Variants in FRMD5 observed in about 807,000 individuals in gnomAD.
FRMD5 encodes FERM domain containing 5, also known as FERM domain-containing protein 5.
Under a neutral mutation model 69.0 loss-of-function variants are expected in FRMD5, and 20 were observed. That is an observed-to-expected ratio of 0.29 (90% CI 0.20 to 0.42). The LOEUF (loss-of-function observed/expected upper bound fraction) is 0.42, where lower values mean the gene tolerates loss of function less well. Ranked by LOEUF, FRMD5 falls within the 10% of genes least tolerant of loss-of-function variation. The pLI is 1.00. For synonymous variants in FRMD5, 271 were observed against 260.1 expected, an observed-to-expected ratio of 1.04 and a Z score of -0.40; for missense variants, 595 against 708.6, an observed-to-expected ratio of 0.84 and a Z score of 1.82.
chr15:44,125,587 T>C (rs2077014693), intron 1 of FRMD5, among the ~76,000 whole-genome samples: 1 of 152,222 alleles, frequency 6.6e-6, no homozygotes, highest in South Asian at 2.1e-4. Context: ...TCTGAGATCA[T>C]GAAATTCTTA....
At chr15:43,963,819 C>T (rs1212494446) in intron 1 of FRMD5, among the ~76,000 whole-genome samples, 5 of 152,088 alleles carry the variant, frequency 3.3e-5, no homozygotes, top group Admixed American at 6.6e-5. Context: ...AAAAACCAAA[C>T]ACCAGACGTT....
chr15:43,955,692 C>T (rs1383093057), intron 1 of FRMD5, among the ~76,000 whole-genome samples: 1 of 152,082 alleles, frequency 6.6e-6, no homozygotes, highest in African/African-American at 2.4e-5. Flanking sequence ...AAGCAATCAA[C>T]CTCTGAGTGA....
Position 43,885,782 on chromosome 15 carries a change from T to C in FRMD5, c.885-27A>G, listed in dbSNP as rs376917952. 1.3e-5 allele frequency: 21 copies of C among 1,595,550 alleles called. No homozygotes were observed. In the East Asian group the frequency reaches 2.0e-4, roughly 15 times the overall value. ...TGTAGCAAGGCAAAGTCCAGTGTGA[T>C]AGACAGCCTGAACTGCCTCACACAG... On this transcript the variant is annotated intron_variant, in intron 10 of 13. Coordinates refer to ENST00000417257, the MANE Select transcript of FRMD5 (RefSeq NM_032892.5).
intron 6 of FRMD5, among the ~76,000 whole-genome samples, chr15:43,902,582 C>T (rs2089072924): frequency 6.6e-6 from 1 of 150,804 alleles, no homozygotes; most frequent in African/African-American, 2.4e-5. Flanking sequence ...ACTTGGGAGG[C>T]TGAGGTGGGA....
intron 1 of FRMD5, among the ~76,000 whole-genome samples, chr15:44,077,497 GACA>G (rs1893818705): frequency 6.6e-6 from 1 of 152,014 alleles, no homozygotes; most frequent in African/African-American, 2.4e-5. Flanking sequence ...TAAAAAAGAA[GACA>G]ACAATGACTG....
At chr15:44,148,163 G>C (rs2077384671) in intron 1 of FRMD5, among the ~76,000 whole-genome samples, 1 of 151,882 alleles carries the variant, frequency 6.6e-6, no homozygotes, top group Non-Finnish European at 1.5e-5. Context: ...TTGGAAGTTG[G>C]ATAATAAAGA....
intron 13 of FRMD5, among the ~76,000 whole-genome samples, chr15:43,876,598 T>G (rs1452906615): frequency 6.6e-6 from 1 of 152,226 alleles, no homozygotes; most frequent in Non-Finnish European, 1.5e-5. Context: ...CCGAATATCC[T>G]TGTAAAAACC....
At chr15:44,039,181 T>G (rs1892071280) in intron 1 of FRMD5, among the ~76,000 whole-genome samples, 1 of 152,168 alleles carries the variant, frequency 6.6e-6, no homozygotes, top group Non-Finnish European at 1.5e-5. Flanking sequence ...GTCAGGGACT[T>G]ACAGATAAAA....
chr15:43,893,390 AT>A (rs887859943), intron 7 of FRMD5, among the ~76,000 whole-genome samples: 7 of 152,130 alleles, frequency 4.6e-5, no homozygotes, highest in African/African-American at 1.7e-4. Flanking sequence ...TCTGTTGAAC[AT>A]AGTGGGGAGC....
chr15:44,007,361 C>A (rs1890499296), intron 1 of FRMD5, among the ~76,000 whole-genome samples: 1 of 152,070 alleles, frequency 6.6e-6, no homozygotes, highest in Non-Finnish European at 1.5e-5. Context: ...GGAACTGATT[C>A]TGCAATATCT....
At chr15:44,109,343 C>T (rs1221940575) in intron 1 of FRMD5, among the ~76,000 whole-genome samples, 2 of 151,940 alleles carry the variant, frequency 1.3e-5, no homozygotes, top group African/African-American at 4.8e-5. Flanking sequence ...AAGACATTTC[C>T]ACTGGTTATA....
At chr15:43,932,967 C>T (rs2089700758) in intron 1 of FRMD5, among the ~76,000 whole-genome samples, 1 of 152,226 alleles carries the variant, frequency 6.6e-6, no homozygotes, top group South Asian at 2.1e-4. Flanking sequence ...CTTGTCACAG[C>T]AAACAGAACT....
At chr15:44,077,196 C>T (rs931359655) in intron 1 of FRMD5, among the ~76,000 whole-genome samples, 5 of 152,052 alleles carry the variant, frequency 3.3e-5, no homozygotes, top group Non-Finnish European at 5.9e-5. Flanking sequence ...ATTGTCATTA[C>T]CTATCATGCC....
At chr15:43,967,092 C>T (rs2090306322) in intron 1 of FRMD5, among the ~76,000 whole-genome samples, 1 of 151,970 alleles carries the variant, frequency 6.6e-6, no homozygotes, top group Non-Finnish European at 1.5e-5. Flanking sequence ...AAATAAAGCA[C>T]AAATAACTTT....
chr15:44,113,335 G>A (rs192797329), intron 1 of FRMD5, among the ~76,000 whole-genome samples: 45 of 152,336 alleles, frequency 3.0e-4, no homozygotes, highest in African/African-American at 1.1e-3. Flanking sequence ...GGACTTTGAA[G>A]TCAGAAAATC....
chr15:44,052,382 C>T (rs954155127), intron 1 of FRMD5, among the ~76,000 whole-genome samples: 3 of 152,250 alleles, frequency 2.0e-5, no homozygotes, highest in Middle Eastern at 6.8e-3. Context: ...TGCTTCAGGC[C>T]TATATTGTAT....
At chr15:43,981,002 C>T (rs1026151312) in intron 1 of FRMD5, among the ~76,000 whole-genome samples, 7 of 152,158 alleles carry the variant, frequency 4.6e-5, no homozygotes, top group African/African-American at 1.7e-4. Context: ...CAATTTAACA[C>T]AGACACACAA....
chr15:44,092,096 C>T (rs761250503), intron 1 of FRMD5, among the ~76,000 whole-genome samples: 11 of 152,224 alleles, frequency 7.2e-5, no homozygotes, highest in Admixed American at 1.3e-4. Context: ...AAAACAGTAA[C>T]GTGTAGGTTT....
intron 1 of FRMD5, 95 bp downstream of exon 1, chr15:44,194,858 G>A (rs1186536901): frequency 9.6e-7 from 1 of 1,036,340 alleles, no homozygotes; most frequent in Non-Finnish European, 1.4e-6. Context: ...GCTGGGGCTG[G>A]GGCGACCCCT....
Sources: allele counts gnomAD v4.1 joint callset (sites outside exome capture counted in the v4.1 genomes callset), GRCh38; gene constraint gnomAD v4.1.1; transcripts MANE v1.5; gene names NCBI Gene and HGNC (gene_info 2026-07-23, HGNC 2026-07-21).